RAD9B: variants seen among roughly 807,000 people sequenced by gnomAD.
RAD9B encodes cell cycle checkpoint control protein RAD9B.
In RAD9B, 41 loss-of-function variants were observed where a neutral mutation model predicts 48.3. The ratio of observed to expected loss-of-function variants is 0.85; its 90% CI spans 0.66 to 1.10. RAD9B has a LOEUF of 1.10. RAD9B is among the 50% of genes least tolerant of loss of function. The pLI is 0.00. For missense variants in RAD9B, 444 were observed against 485.1 expected, an observed-to-expected ratio of 0.92 and a Z score of 0.80; for synonymous variants, 160 against 157.9, an observed-to-expected ratio of 1.01 and a Z score of -0.10.
At position 110,531,708 on chromosome 12, in the gene RAD9B, T is replaced by G; in HGVS notation, c.*1055T>G. 1 of 1,430,710 alleles carries G rather than the reference T, an allele frequency of 7.0e-7. No individual in the cohort carries two copies. The highest frequency in any genetic ancestry group is 1.4e-5 in the African/African-American group (1 of 70,918). 88.6% of individuals were successfully genotyped at this position (1,430,710 alleles called of 1,614,324 possible). ...GTGGAAGACAAATGTCTCTGTTCTT[T>G]GGCCCTTTAAGAGTTAGCTTTTTAC... On this transcript the variant is annotated 3_prime_UTR_variant, in exon 11 of 11. Transcript: ENST00000409300.
chr12:110,512,690 A>T, intron 4 of RAD9B, 89 bp from the exon 5 acceptor site: 1 of 627,702 alleles, frequency 1.6e-6, no homozygotes, highest in Non-Finnish European at 2.8e-6. Flanking sequence ...TTACTTTATT[A>T]CTTTAATTTG....
chr12:110,524,856 C>T (rs1593107026), intron 10 of RAD9B, among the ~76,000 whole-genome samples: 1 of 152,090 alleles, frequency 6.6e-6, no homozygotes, highest in Middle Eastern at 3.4e-3. Context: ...GTCACTGTGC[C>T]TGGCCTCCAC....
Position 110,522,179 on chromosome 12 carries a change from C to A in RAD9B, c.893C>A (p.Ser298Ter). ...SLCLSQKRKR[S>*]DLIEKKAGKN... is the part of the protein sequence containing the mutation. ...TTTAATGCCTATTAATACCTCAGGT[C>A]AGATCTGATTGAAAAAAAGGCTGGC... The change falls in exon 10 of 11, where the codon TCA becomes TAA. Residue 298 changes from serine to a stop codon, truncating the protein, a stop_gained and splice_region_variant. Transcript: ENST00000409300. LOFTEE classifies it high-confidence loss of function. 6.4e-7 allele frequency: 1 copy of A among 1,571,450 alleles called. No individual in the cohort carries two copies. The highest frequency in any genetic ancestry group is 1.2e-5 in the South Asian group (1 of 85,696).
chr12:110,519,592 G>A (rs969927254), intron 8 of RAD9B, among the ~76,000 whole-genome samples: 3 of 151,250 alleles, frequency 2.0e-5, no homozygotes, highest in Non-Finnish European at 2.9e-5. Context: ...CATCATGCCC[G>A]GCTAATTTTT....
intron 5 of RAD9B, among the ~76,000 whole-genome samples, chr12:110,514,025 G>A (rs2063539174): frequency 6.8e-6 from 1 of 147,828 alleles, no homozygotes; most frequent in Non-Finnish European, 1.5e-5. Context: ...ACCACATCTG[G>A]TCCCTTCCTT....
At chr12:110,509,305 C>T (rs899465055) in intron 4 of RAD9B, among the ~76,000 whole-genome samples, 13 of 151,652 alleles carry the variant, frequency 8.6e-5, no homozygotes, top group Non-Finnish European at 1.6e-4. Flanking sequence ...GGGGTTTCAC[C>T]ATGTTGCCCA....
chr12:110,528,274 T>A (rs565478392), intron 10 of RAD9B, among the ~76,000 whole-genome samples: 2 of 152,242 alleles, frequency 1.3e-5, no homozygotes, highest in African/African-American at 4.8e-5. Context: ...ATAGTTCATT[T>A]AGGAGCCAAA....
chr12:110,503,864 A>G lies in RAD9B; in HGVS notation c.105A>G (p.Pro35=). 6.4e-7 allele frequency: 1 copy of G among 1,566,482 alleles called. No individual in the cohort carries two copies. Among genetic ancestry groups the G allele is most frequent in the Non-Finnish European group, 8.6e-7 (1 of 1,160,366 alleles). The change falls in exon 2 of 11, where the codon CCA becomes CCG. Residue 35 remains proline, a synonymous_variant. Transcript: ENST00000409300. ...TTAGTGACGAGTTCTGGCTAGACCC[A>G]TCTAAAAAAGGTGTAAGTAAGAAAG... The part of the protein sequence containing the change: ...SRISDEFWLD[P]SKKGLALRCV...
rs1285081061 is a variant in RAD9B at position 110,531,495 on chromosome 12, A to C, written c.*842A>C. ...ACTTGAGCCACTGCGCCCAACCTGG[A>C]GTGTTTTTACATATTGTAAAATTTT... On this transcript the variant is annotated 3_prime_UTR_variant, in exon 11 of 11. Transcript: ENST00000409300. 5.0e-6 allele frequency: 5 copies of C among 1,009,888 alleles called. No homozygotes were observed. Among genetic ancestry groups the C allele is most frequent in the Admixed American group, 2.1e-5 (1 of 48,592 alleles). 62.6% of individuals were successfully genotyped at this position (1,009,888 alleles called of 1,614,324 possible). A position where few individuals can be genotyped will look rare whatever the true frequency, so the allele number is the denominator to read the frequency against.
At chr12:110,516,662 T>C (rs1232599612) in intron 6 of RAD9B, among the ~76,000 whole-genome samples, 1 of 151,622 alleles carries the variant, frequency 6.6e-6, no homozygotes, top group Non-Finnish European at 1.5e-5. Context: ...TACAAAAAAT[T>C]AGTGGGGCGT....
chr12:110,531,735 T>C lies in RAD9B; in HGVS notation c.*1082T>C. 9.3e-7 allele frequency: 1 copy of C among 1,076,060 alleles called. No individual in the cohort carries two copies. Among genetic ancestry groups the C allele is most frequent in the Non-Finnish European group, 1.4e-6 (1 of 740,208 alleles). The allele number at this position is 1,076,060 out of a possible 1,614,324, so 66.7% of individuals were successfully genotyped here. On this transcript the variant is annotated 3_prime_UTR_variant, in exon 11 of 11. Coordinates refer to ENST00000409300, the MANE Select transcript of RAD9B (RefSeq NM_001286535.2). ...GCCCTTTAAGAGTTAGCTTTTTACC[T>C]GCACAAATGGACTAAAAAATCTGGC...
At chr12:110,502,598 TG>T in intron 1 of RAD9B, 1 of 580,832 alleles carries the variant, frequency 1.7e-6, no homozygotes, top group African/African-American at 1.9e-5. Context: ...GTAATATGGG[TG>T]GTATCCGGGA....
chr12:110,529,292 C>T lies in RAD9B; in HGVS notation c.1126-1233C>T, dbSNP rs191177310. Among the ~76,000 whole-genome samples, 452 of 151,986 alleles carry T rather than the reference C, an allele frequency of 3.0e-3. 3 individuals carry two copies. The highest frequency in any genetic ancestry group is 4.6e-3 in the Non-Finnish European group (310 of 67,954). ...CCTAGTAGCTGGGATTACAGGTGCCCGCCACCATGCCCAGCTAATTTTTTG... is the reference window on the plus strand; with the variant it reads ...CCTAGTAGCTGGGATTACAGGTGCCTGCCACCATGCCCAGCTAATTTTTTG... On this transcript the variant is annotated intron_variant, in intron 10 of 10. Transcript: ENST00000409300.
chr12:110,518,365 A>G (rs1182713306), intron 6 of RAD9B, among the ~76,000 whole-genome samples: 1 of 152,190 alleles, frequency 6.6e-6, no homozygotes, highest in Non-Finnish European at 1.5e-5. Context: ...CCTCTCTCAA[A>G]AAGAAGAAAA....
At chr12:110,507,247 G>A (rs1183197329) in intron 4 of RAD9B, among the ~76,000 whole-genome samples, 1 of 151,156 alleles carries the variant, frequency 6.6e-6, no homozygotes, top group Non-Finnish European at 1.5e-5. Flanking sequence ...AGTGGCACAA[G>A]CTTTGCCTGC....
Position 110,502,383 on chromosome 12 carries a change from G to A in RAD9B, c.46G>A (p.Val16Ile), listed in dbSNP as rs971802320. The A allele has an allele frequency of 4.3e-6, 7 of 1,613,632 alleles. No individual in the cohort carries two copies. Among genetic ancestry groups the A allele is most frequent in the Non-Finnish European group, 5.9e-6 (7 of 1,179,810 alleles). The change falls in exon 1 of 11, where the codon GTA becomes ATA. Residue 16 changes from valine (V) to isoleucine (I), a missense_variant and splice_region_variant. Coordinates refer to ENST00000409300, the MANE Select transcript of RAD9B (RefSeq NM_001286535.2). Reference protein sequence around the residue: ...KCVMSGSQVKVFGKAVQALSR... With the variant: ...KCVMSGSQVKIFGKAVQALSR... Reference sequence around the variant, plus strand: ...CGTGATGAGCGGCAGTCAGGTGAAAGGTGGAGCGGCCTTTGTTGTCTTCCC... The same window carrying A: ...CGTGATGAGCGGCAGTCAGGTGAAAAGTGGAGCGGCCTTTGTTGTCTTCCC...
Position 110,519,913 on chromosome 12 carries a change from A to C in RAD9B, c.887A>C (p.Lys296Thr). 1 of 1,611,694 alleles carries C rather than the reference A, an allele frequency of 6.2e-7. No individual in the cohort carries two copies. Among genetic ancestry groups the C allele is most frequent in the South Asian group, 1.1e-5 (1 of 90,316 alleles). The change falls in exon 9 of 11, where the codon AAA becomes ACA. Residue 296 changes from lysine to threonine, a missense_variant. By Grantham distance (78) the Lys-to-Thr change is moderately conservative. Transcript: ENST00000409300. ...PQSLCLSQKR[K>T]RSDLIEKKAG... ...TCACTGTGTCTTTCACAGAAACGAA[A>C]AAGGTAAGACTGTGTTTTAACTTCT...
chr12:110,516,432 T>A (rs1234104666), intron 6 of RAD9B, among the ~76,000 whole-genome samples: 4 of 152,226 alleles, frequency 2.6e-5, no homozygotes, highest in Non-Finnish European at 4.4e-5. Flanking sequence ...ATTATTAAAC[T>A]TCTTCTATGC....
Position 110,515,108 on chromosome 12 carries a change from G to C in RAD9B, c.547G>C (p.Val183Leu), listed in dbSNP as rs377231947. 3.9e-5 allele frequency: 61 copies of C among 1,556,628 alleles called. No individual in the cohort carries two copies. The highest frequency in any genetic ancestry group is 4.8e-5 in the Non-Finnish European group (55 of 1,148,692). The change falls in exon 6 of 11, where the codon GTT becomes CTT. Residue 183 changes from valine to leucine, a missense_variant. Physicochemically the swap from Val to Leu is conservative, Grantham distance 32. Coordinates refer to ENST00000409300, the MANE Select transcript of RAD9B (RefSeq NM_001286535.2). Reference protein sequence around the residue: ...TSSQEEVTLAVTPLNFCLKSS... With the variant: ...TSSQEEVTLALTPLNFCLKSS... ...AAGTCAAGAGGAAGTTACTCTTGCTGTTACTCCACTGAATTTTTGCCTCAA... is the reference window on the plus strand; with the variant it reads ...AAGTCAAGAGGAAGTTACTCTTGCTCTTACTCCACTGAATTTTTGCCTCAA...
Sources: gnomAD v4.1 joint callset for allele counts (sites outside exome capture counted in the v4.1 genomes callset) on GRCh38, gnomAD v4.1.1 for gene constraint, MANE v1.5 for transcripts, NCBI Gene and HGNC (gene_info 2026-07-23, HGNC 2026-07-21) for gene names.